The following CCDC158 variants were observed in gnomAD, a reference collection of about 807,000 sequenced individuals.
CCDC158 encodes the protein coiled-coil domain-containing protein 158.
In CCDC158, 116 loss-of-function variants were observed where a neutral mutation model predicts 138.6. The ratio of observed to expected loss-of-function variants is 0.84; its 90% CI spans 0.72 to 0.98. CCDC158 has a LOEUF of 0.98. Ranked by LOEUF, CCDC158 falls within the 50% of genes least tolerant of loss-of-function variation. The pLI, the probability that CCDC158 is intolerant of heterozygous loss-of-function variation, is 0.00. For synonymous variants in CCDC158, 436 were observed against 442.4 expected (o/e 0.99, Z 0.18); for missense variants, 1,265 against 1,306.1 (o/e 0.97, Z 0.48).
Position 76,331,350 on chromosome 4 carries a change from A to C in CCDC158, c.2936T>G (p.Leu979Arg). The stretch of plus-strand genomic sequence containing the variant: ...GGGGGCTGGTATTTCCTACCTACTA[A>C]GAGTTTCACTTGATTTGCTTCCTTC... ...STEGSKSSET[L>R]SREPVTLHAG... The change falls in exon 21 of 25, where the codon CTT (leucine) becomes CGT (arginine). Residue 979 changes from leucine (L) to arginine (R), a missense_variant. Coordinates refer to ENST00000682701, the MANE Select transcript of CCDC158 (RefSeq NM_001394954.1). The C allele has an allele frequency of 2.5e-6, 4 of 1,613,854 alleles. No homozygotes were observed. Among genetic ancestry groups the C allele is most frequent in the Non-Finnish European group, 3.4e-6 (4 of 1,179,726 alleles).
At chr4:76,367,192 G>T in intron 12 of CCDC158, 102 bp downstream of exon 12, 1 of 1,283,260 alleles carries the variant, frequency 7.8e-7, no homozygotes, top group Non-Finnish European at 1.1e-6. Flanking sequence ...CCTTCCAACA[G>T]TTTCAGAGTG....
Position 76,357,515 on chromosome 4 carries a change from C to A in CCDC158, c.2032G>T (p.Val678Phe). The change falls in exon 14 of 25, where the codon GTC becomes TTC. Residue 678 changes from valine to phenylalanine, a missense_variant. Val to Phe is a conservative substitution (Grantham distance 50). Transcript: ENST00000682701. ...ELNNLSEEYE[V>F]LKRNFRNKSE... ...TTGTTTCGGAAATTCCTTTTTAAGA[C>A]TTCATACTCCTCTATACAATGTGAT... 6.3e-7 allele frequency: 1 copy of A among 1,581,960 alleles called. No individual in the cohort carries two copies. Among genetic ancestry groups the A allele is most frequent in the South Asian group, 1.2e-5 (1 of 86,424 alleles).
chr4:76,341,759 T>A (rs1268088627), intron 18 of CCDC158, among the ~76,000 whole-genome samples: 3 of 152,264 alleles, frequency 2.0e-5, no homozygotes, highest in African/African-American at 7.2e-5. Flanking sequence ...ATGTTCTAGG[T>A]GTTTGAGTTT....
intron 24 of CCDC158, among the ~76,000 whole-genome samples, chr4:76,322,752 GC>G (rs1220840392): frequency 6.6e-6 from 1 of 152,106 alleles, no homozygotes; most frequent in Non-Finnish European, 1.5e-5. Flanking sequence ...TAGAACTTAT[GC>G]CCAAAAAGCT....
At chr4:76,346,238 A>G (rs1722532018) in intron 18 of CCDC158, among the ~76,000 whole-genome samples, 1 of 152,256 alleles carries the variant, frequency 6.6e-6, no homozygotes. Flanking sequence ...AATTAACTCA[A>G]GATGGATTAA....
intron 9 of CCDC158, among the ~76,000 whole-genome samples, chr4:76,374,941 C>T (rs1242956860): frequency 2.6e-5 from 4 of 152,162 alleles, no homozygotes; most frequent in Non-Finnish European, 5.9e-5. Flanking sequence ...GTTCCTCCAG[C>T]CCCCTGCAGG....
intron 12 of CCDC158, 62 bp downstream of exon 12, chr4:76,367,232 A>G (rs1023146242): frequency 2.0e-6 from 3 of 1,538,454 alleles, no homozygotes; most frequent in East Asian, 4.5e-5. Context: ...ACTTTTCAGT[A>G]CAGGTCATAC....
chr4:76,348,833 T>A (rs1054966398), intron 18 of CCDC158, among the ~76,000 whole-genome samples: 1 of 152,004 alleles, frequency 6.6e-6, no homozygotes, highest in South Asian at 2.1e-4. Context: ...TAAGGCATGA[T>A]GAATAAACAA....
intron 2 of CCDC158, among the ~76,000 whole-genome samples, chr4:76,405,269 C>T (rs1728724718): frequency 6.6e-6 from 1 of 152,088 alleles, no homozygotes; most frequent in African/African-American, 2.4e-5. Flanking sequence ...AAAGGACAAA[C>T]CAAGGATATT....
chr4:76,341,929 C>G (rs948406230), intron 18 of CCDC158, among the ~76,000 whole-genome samples: 1 of 152,182 alleles, frequency 6.6e-6, no homozygotes, highest in Non-Finnish European at 1.5e-5. Flanking sequence ...TATAGGGTAT[C>G]TATTTACGTC....
At chr4:76,407,545 G>A (rs959535755) in intron 2 of CCDC158, among the ~76,000 whole-genome samples, 3 of 152,118 alleles carry the variant, frequency 2.0e-5, no homozygotes, top group Non-Finnish European at 4.4e-5. Context: ...CATTGTGAAT[G>A]TTTGTTGTAT....
intron 19 of CCDC158, among the ~76,000 whole-genome samples, chr4:76,333,060 G>A (rs1000511673): frequency 5.3e-5 from 8 of 152,164 alleles, no homozygotes; most frequent in East Asian, 3.9e-4. Context: ...GAAAATGTTC[G>A]TTGGAGTGGC....
intron 24 of CCDC158, among the ~76,000 whole-genome samples, chr4:76,314,491 T>C (rs1182475798): frequency 2.0e-5 from 3 of 152,118 alleles, no homozygotes; most frequent in Admixed American, 1.3e-4. Context: ...ACCAAAAGAA[T>C]TTACAGATAC....
chr4:76,372,381 G>T (rs1326562612), intron 9 of CCDC158, among the ~76,000 whole-genome samples: 2 of 152,284 alleles, frequency 1.3e-5, no homozygotes, highest in Non-Finnish European at 2.9e-5. Context: ...GGTGGTTAAG[G>T]CTGCAGTGAG....
chr4:76,394,034 A>G (rs1439619679), intron 4 of CCDC158, among the ~76,000 whole-genome samples: 1 of 152,124 alleles, frequency 6.6e-6, no homozygotes, highest in African/African-American at 2.4e-5. Context: ...ATTGGTGGGA[A>G]TGTGAATTAG....
At chr4:76,414,975 G>T (rs1451914363) in intron 1 of CCDC158, among the ~76,000 whole-genome samples, 3 of 152,200 alleles carry the variant, frequency 2.0e-5, no homozygotes, top group Non-Finnish European at 4.4e-5. Context: ...GCAGAGGTTG[G>T]AACAGTTTGG....
chr4:76,390,420 T>G (rs1727209885), intron 4 of CCDC158, among the ~76,000 whole-genome samples: 1 of 151,634 alleles, frequency 6.6e-6, no homozygotes, highest in African/African-American at 2.4e-5. Context: ...TGGTAGTGGG[T>G]TATCAGAACT....
In CCDC158 at chr4:76,331,367, G is replaced by C. The variant is rs754644725; in HGVS notation, c.2919C>G (p.Ser973Arg). 1 of 1,613,928 alleles carries C rather than the reference G, an allele frequency of 6.2e-7. No homozygotes were observed. The highest frequency in any genetic ancestry group is 1.7e-5 in the Admixed American group (1 of 60,014). The change falls in exon 21 of 25, where the codon AGC becomes AGG. Residue 973 changes from serine (S) to arginine (R), a missense_variant. Ser to Arg is a moderately radical substitution (Grantham distance 110). Transcript: ENST00000682701. The stretch of plus-strand genomic sequence containing the variant: ...ACCTACTAAGAGTTTCACTTGATTT[G>C]CTTCCTTCAGTGGAGTCCCTCAACG... ...NNSLRDSTEG[S>R]KSSETLSREP... is the part of the protein sequence containing the mutation.
Position 76,367,467 on chromosome 4 carries a change from G to A in CCDC158, c.1657C>T (p.Leu553Phe). 1.2e-6 allele frequency: 2 copies of A among 1,614,192 alleles called. No individual in the cohort carries two copies. The highest frequency in any genetic ancestry group is 1.1e-5 in the South Asian group (1 of 91,080). ...TCCTTCTCTGTCATCTGCAGTTTGA[G>A]GGCCTCACATTCTGTCTGCACATTT... ...LRNVQTECEA[L>F]KLQMTEKDKV... The change falls in exon 12 of 25, where the codon CTC becomes TTC. Residue 553 changes from leucine (L) to phenylalanine (F), a missense_variant. Transcript: ENST00000682701.
Sources: gnomAD v4.1 joint callset for allele counts (sites outside exome capture counted in the v4.1 genomes callset) on GRCh38, gnomAD v4.1.1 for gene constraint, MANE v1.5 for transcripts, NCBI Gene and HGNC (gene_info 2026-07-23, HGNC 2026-07-21) for gene names.